The following MRAP2 variants were observed in gnomAD, a reference collection of about 807,000 sequenced individuals.
The protein encoded by MRAP2 is melanocortin 2 receptor accessory protein 2, also known as melanocortin-2 receptor accessory protein 2.
Under a neutral mutation model 17.4 loss-of-function variants are expected in MRAP2, and 20 were observed. That is an observed-to-expected ratio of 1.15 (90% CI 0.81 to 1.67). MRAP2 has a LOEUF of 1.67. Among genes scored for constraint, MRAP2 ranks in the 40% most tolerant of loss-of-function variants. MRAP2 has a pLI of 0.00. For synonymous variants in MRAP2, 96 were observed against 88.4 expected (o/e 1.09, Z -0.48); for missense variants, 238 against 240.0 (o/e 0.99, Z 0.05).
chr6:84,046,780 CAAAAAAAAAAA>C (rs756963425), intron 1 of MRAP2, among the ~76,000 whole-genome samples: 2 of 23,154 alleles, frequency 8.6e-5, no homozygotes, highest in Non-Finnish European at 1.8e-4. Flanking sequence ...AACTCCATCT[CAAAAAAAAAAA>C]AAAAAAAAAA....
rs192930264 is a variant in MRAP2 at position 84,041,786 on chromosome 6, A to G, written c.-8+7903A>G. On this transcript the variant is annotated intron_variant, in intron 1 of 3. Transcript: ENST00000257776. ...TACCCAATGCCTGTACCCCCATTGT[A>G]TCTAGGAAGTAACTAACTTGTTTTT... 2.8e-4 allele frequency among the ~76,000 whole-genome samples: 42 copies of G among 152,326 alleles called. No homozygotes were observed. The East Asian group carries it at 6.4e-3, about 23-fold the overall frequency.
chr6:84,136,810 A>G, the MRAP2 span, among the ~76,000 whole-genome samples: 3 of 152,248 alleles, frequency 2.0e-5, no homozygotes, highest in Non-Finnish European at 2.9e-5. Flanking sequence ...GGCTATGTAC[A>G]GATAACTTTT....
chr6:84,098,495 A>G, the MRAP2 span, among the ~76,000 whole-genome samples: 1 of 152,150 alleles, frequency 6.6e-6, no homozygotes, highest in East Asian at 1.9e-4. Flanking sequence ...TAGAAGAGGA[A>G]TGTCTGGGTC....
the MRAP2 span, among the ~76,000 whole-genome samples, chr6:84,136,992 T>C: frequency 6.6e-6 from 1 of 152,210 alleles, no homozygotes; most frequent in African/African-American, 2.4e-5. Flanking sequence ...ATGCTGACTC[T>C]TGTAACTGAG....
chr6:84,104,474 T>C, the MRAP2 span, among the ~76,000 whole-genome samples: 1 of 152,256 alleles, frequency 6.6e-6, no homozygotes, highest in Non-Finnish European at 1.5e-5. Flanking sequence ...ATCGCATAGT[T>C]AGGCTACAAA....
At chr6:84,134,003 G>GT in the MRAP2 span, among the ~76,000 whole-genome samples, 2 of 152,280 alleles carry the variant, frequency 1.3e-5, no homozygotes, top group South Asian at 2.1e-4. Context: ...TCAGATGGGG[G>GT]TTTTTTCTAT....
chr6:84,117,586 C>T, the MRAP2 span, among the ~76,000 whole-genome samples: 1 of 151,358 alleles, frequency 6.6e-6, no homozygotes, highest in African/African-American at 2.4e-5. Context: ...TTCTGGTTCT[C>T]ATGTTTGGGG....
At chr6:84,036,698 A>G (rs1326338868) in intron 1 of MRAP2, among the ~76,000 whole-genome samples, 1 of 152,176 alleles carries the variant, frequency 6.6e-6, no homozygotes, top group Non-Finnish European at 1.5e-5. Context: ...TGGCTCCAGT[A>G]GCCTGCTTTT....
At chr6:84,041,718 C>A (rs2099487642) in intron 1 of MRAP2, among the ~76,000 whole-genome samples, 1 of 152,200 alleles carries the variant, frequency 6.6e-6, no homozygotes. Context: ...GGCCTGTAGC[C>A]CCTTTGTTTT....
the MRAP2 span, among the ~76,000 whole-genome samples, chr6:84,103,653 C>T: frequency 6.6e-6 from 1 of 152,188 alleles, no homozygotes; most frequent in Non-Finnish European, 1.5e-5. Context: ...GTGTACCTCA[C>T]AAATCCTTTT....
chr6:84,143,630 GAGAA>G, the MRAP2 span, among the ~76,000 whole-genome samples: 1 of 150,708 alleles, frequency 6.6e-6, no homozygotes, highest in African/African-American at 2.4e-5. Flanking sequence ...CAGAAGGAGA[GAGAA>G]AGAGAAAGTG....
At chr6:84,041,931 G>A (rs2099487695) in intron 1 of MRAP2, among the ~76,000 whole-genome samples, 1 of 152,196 alleles carries the variant, frequency 6.6e-6, no homozygotes, top group Non-Finnish European at 1.5e-5. Flanking sequence ...GCATGATTGT[G>A]TTTTGAAATG....
chr6:84,093,229 TAGG>T (rs143685440), downstream of MRAP2, among the ~76,000 whole-genome samples: 1,119 of 151,124 alleles, frequency 7.4e-3, 8 homozygotes, highest in Non-Finnish European at 0.011. Context: ...TCACCAAACA[TAGG>T]AGCAAAGAGA....
At chr6:84,119,371 G>T in the MRAP2 span, among the ~76,000 whole-genome samples, 1 of 152,018 alleles carries the variant, frequency 6.6e-6, no homozygotes, top group African/African-American at 2.4e-5. Context: ...TTGTTGTTGT[G>T]CAATTATTCA....
chr6:84,110,536 T>C, the MRAP2 span, among the ~76,000 whole-genome samples: 1 of 152,340 alleles, frequency 6.6e-6, no homozygotes, highest in East Asian at 1.9e-4. Flanking sequence ...TTGCAAAGAT[T>C]TTCTACCATT....
intron 1 of MRAP2, among the ~76,000 whole-genome samples, chr6:84,036,226 T>C (rs1171944197): frequency 1.3e-5 from 2 of 152,138 alleles, no homozygotes; most frequent in Non-Finnish European, 2.9e-5. Context: ...AACCCACTGG[T>C]TACTTCAAGA....
the MRAP2 span, among the ~76,000 whole-genome samples, chr6:84,112,776 G>A: frequency 6.6e-6 from 1 of 152,106 alleles, no homozygotes; most frequent in African/African-American, 2.4e-5. Flanking sequence ...CTTTAAATGT[G>A]TCCCAGAGAT....
intron 1 of MRAP2, among the ~76,000 whole-genome samples, chr6:84,038,161 T>C (rs886997220): frequency 6.6e-6 from 1 of 152,194 alleles, no homozygotes; most frequent in Non-Finnish European, 1.5e-5. Flanking sequence ...AGGGCTGGCC[T>C]AAGGGCGAGG....
intron 2 of MRAP2, 150 bp from the exon 3 acceptor site, chr6:84,062,743 C>T (rs980541465): frequency 1.1e-4 from 157 of 1,446,048 alleles, no homozygotes; most frequent in Non-Finnish European, 1.3e-4. Context: ...TCATCCTTTA[C>T]ATCTTATCAG....
Sources: allele counts gnomAD v4.1 joint callset (sites outside exome capture counted in the v4.1 genomes callset), GRCh38; gene constraint gnomAD v4.1.1; transcripts MANE v1.5; gene names NCBI Gene and HGNC (gene_info 2026-07-23, HGNC 2026-07-21).